FRAS1: variants seen among roughly 807,000 people sequenced by gnomAD.
FRAS1 encodes the protein extracellular matrix organizing protein FRAS1.
A neutral mutation model predicts 435.2 loss-of-function variants in FRAS1; 290 were observed. That is an observed-to-expected ratio of 0.67 (90% CI 0.61 to 0.73). The LOEUF (loss-of-function observed/expected upper bound fraction) is 0.73. FRAS1 is among the 30% of genes least tolerant of loss of function. FRAS1 has a pLI of 0.00. For missense variants in FRAS1, 4,860 were observed against 5,001.5 expected (o/e 0.97, Z 0.85); for synonymous variants, 1,800 against 1,851.0 (o/e 0.97, Z 0.71).
chr4:78,062,441 G>A (rs1286934973), intron 1 of FRAS1, among the ~76,000 whole-genome samples: 4 of 152,122 alleles, frequency 2.6e-5, no homozygotes, highest in African/African-American at 9.7e-5. Context: ...ACTTGTGGCT[G>A]CTTGTTCCTA....
At chr4:78,263,590 T>A (rs1476123020) in intron 6 of FRAS1, among the ~76,000 whole-genome samples, 2 of 152,218 alleles carry the variant, frequency 1.3e-5, no homozygotes, top group Admixed American at 6.5e-5. Context: ...TTGTTTATTA[T>A]AATAAAGTTG....
chr4:78,220,430 C>T (rs762993528), intron 2 of FRAS1, among the ~76,000 whole-genome samples: 3 of 152,136 alleles, frequency 2.0e-5, no homozygotes, highest in African/African-American at 7.2e-5. Flanking sequence ...TTCTCTACAA[C>T]GTTGACAAAG....
chr4:78,528,570 C>A lies in FRAS1; in HGVS notation c.10925+1913C>A, dbSNP rs562646454. On this transcript the variant is annotated intron_variant, in intron 70 of 73. Coordinates refer to ENST00000512123, the MANE Select transcript of FRAS1 (RefSeq NM_025074.7). ...ACTCCGCATGATGATTTTGATTCAT[C>A]TGTGTTGGGTGTATCAGTATTTGTT... 1.2e-4 allele frequency among the ~76,000 whole-genome samples: 18 copies of A among 152,226 alleles called. 1 individual carries two copies. The South Asian group carries it at 3.7e-3, about 32-fold the overall frequency.
chr4:78,355,532 T>G (rs1429900679), intron 20 of FRAS1, among the ~76,000 whole-genome samples: 3 of 152,144 alleles, frequency 2.0e-5, no homozygotes, highest in Non-Finnish European at 4.4e-5. Context: ...ACGCTCCCTA[T>G]TTAAACATAT....
chr4:78,344,259 G>C (rs911945573), intron 20 of FRAS1, among the ~76,000 whole-genome samples: 7 of 152,106 alleles, frequency 4.6e-5, no homozygotes, highest in Admixed American at 3.9e-4. Context: ...ATAGGTGCCA[G>C]TTCTGAGGGC....
chr4:78,128,968 C>T (rs930338864), intron 2 of FRAS1, among the ~76,000 whole-genome samples: 2 of 152,174 alleles, frequency 1.3e-5, no homozygotes, highest in South Asian at 2.1e-4. Flanking sequence ...CAACTTTCTC[C>T]ATATGGCTAG....
intron 6 of FRAS1, among the ~76,000 whole-genome samples, chr4:78,259,449 G>T (rs1348428061): frequency 6.7e-6 from 1 of 149,636 alleles, no homozygotes; most frequent in Non-Finnish European, 1.5e-5. Context: ...GCATTTCTCT[G>T]ATGGCCAGTG....
At chr4:78,258,791 G>T in intron 6 of FRAS1, among the ~76,000 whole-genome samples, 1 of 143,154 alleles carries the variant, frequency 7.0e-6, no homozygotes, top group Non-Finnish European at 1.5e-5. Flanking sequence ...GTGCCATGCT[G>T]GTGCGCTGCA....
chr4:78,435,648 G>A (rs575458568), intron 38 of FRAS1, among the ~76,000 whole-genome samples: 1 of 151,530 alleles, frequency 6.6e-6, no homozygotes, highest in South Asian at 2.1e-4. Flanking sequence ...TGAGGCATGA[G>A]AATAGCTTGA....
At chr4:78,170,819 T>G (rs1393836857) in intron 2 of FRAS1, among the ~76,000 whole-genome samples, 1 of 152,082 alleles carries the variant, frequency 6.6e-6, no homozygotes, top group African/African-American at 2.4e-5. Context: ...TAGCTTCATG[T>G]CACGGGTGGC....
At chr4:78,346,441 G>A (rs1307456070) in intron 20 of FRAS1, among the ~76,000 whole-genome samples, 2 of 152,192 alleles carry the variant, frequency 1.3e-5, no homozygotes. Context: ...GTCACAGTTA[G>A]TAAGTCCTGG....
At chr4:78,493,288 G>A (rs1720418290) in intron 59 of FRAS1, among the ~76,000 whole-genome samples, 1 of 152,180 alleles carries the variant, frequency 6.6e-6, no homozygotes, top group Non-Finnish European at 1.5e-5. Context: ...ATTTGGCCTA[G>A]CAATCCCATT....
intron 59 of FRAS1, 143 bp from the exon 60 acceptor site, chr4:78,496,662 T>C (rs1332035609): frequency 2.1e-5 from 17 of 815,608 alleles, no homozygotes; most frequent in Non-Finnish European, 3.3e-5. Flanking sequence ...TTGAACATTT[T>C]GTTTTATAAA....
intron 18 of FRAS1, among the ~76,000 whole-genome samples, chr4:78,326,625 A>T (rs1210332245): frequency 6.6e-6 from 1 of 152,176 alleles, no homozygotes; most frequent in Non-Finnish European, 1.5e-5. Context: ...GATTTATGTG[A>T]TCAGAGTTCA....
At position 78,374,215 on chromosome 4, in the gene FRAS1, G is replaced by A. The variant is rs780517120; in HGVS notation, c.3115G>A (p.Gly1039Arg). Residue 1039 changes from glycine to arginine, a missense_variant, in exon 25 of 74, where the codon GGG (glycine) becomes AGG (arginine). Physicochemically the swap from Gly to Arg is moderately radical, Grantham distance 125. Transcript: ENST00000512123. ...EAQCVQECGK[G>R]YFADHAKHKC... is the part of the protein sequence containing the mutation. The stretch of plus-strand genomic sequence containing the variant: ...CCAGTGTGTCCAGGAATGTGGGAAG[G>A]GGTACTTTGCAGATCATGCAAAGCA... 7 of 1,603,096 alleles carry A rather than the reference G, an allele frequency of 4.4e-6. No homozygotes were observed. The Admixed American group carries it at 1.0e-4, about 23-fold the overall frequency.
intron 2 of FRAS1, among the ~76,000 whole-genome samples, chr4:78,117,504 C>T (rs552323844): frequency 6.6e-6 from 1 of 152,298 alleles, no homozygotes. Context: ...CACATAGTCC[C>T]TTATTTCTTG....
chr4:78,191,542 T>C (rs1722534008), intron 2 of FRAS1, among the ~76,000 whole-genome samples: 1 of 151,988 alleles, frequency 6.6e-6, no homozygotes, highest in Non-Finnish European at 1.5e-5. Context: ...TTCTTTTTTT[T>C]TTTTTTTAAT....
intron 2 of FRAS1, among the ~76,000 whole-genome samples, chr4:78,205,046 T>A (rs1221348008): frequency 6.6e-6 from 1 of 152,076 alleles, no homozygotes; most frequent in African/African-American, 2.4e-5. Context: ...GTGGTGGAGC[T>A]TGAGGTGGGA....
At chr4:78,468,485 ACATCATCATCAT>A (rs11267487) in intron 50 of FRAS1, among the ~76,000 whole-genome samples, 4 of 150,132 alleles carry the variant, frequency 2.7e-5, no homozygotes, top group African/African-American at 4.9e-5. Context: ...GAAGCTGTAA[ACATCATCATCAT>A]CATCATCATC....
Sources: allele counts gnomAD v4.1 joint callset (sites outside exome capture counted in the v4.1 genomes callset), GRCh38; gene constraint gnomAD v4.1.1; transcripts MANE v1.5; gene names NCBI Gene and HGNC (gene_info 2026-07-23, HGNC 2026-07-21).